Variants in STK32A observed in about 807,000 individuals in gnomAD.
STK32A encodes the protein serine/threonine kinase 32A, also known as serine/threonine-protein kinase 32A.
Under a neutral mutation model 53.2 loss-of-function variants are expected in STK32A, and 41 were observed. That is an observed-to-expected ratio of 0.77 (90% CI 0.60 to 1.00). The LOEUF is 1.00. Ranked by LOEUF, STK32A falls within the 50% of genes least tolerant of loss-of-function variation. STK32A has a pLI of 0.00. For synonymous variants in STK32A, 166 were observed against 162.8 expected, an observed-to-expected ratio of 1.02 and a Z score of -0.15; for missense variants, 458 against 485.8, an observed-to-expected ratio of 0.94 and a Z score of 0.54.
At chr5:147,255,551 T>G (rs183506084) in intron 2 of STK32A, among the ~76,000 whole-genome samples, 1 of 152,356 alleles carries the variant, frequency 6.6e-6, no homozygotes, top group South Asian at 2.1e-4. Flanking sequence ...GCTGGCTAAC[T>G]TATTGGATAG....
chr5:147,260,290 C>T (rs73332896), intron 2 of STK32A, among the ~76,000 whole-genome samples: 23,350 of 104,666 alleles, frequency 0.22, 4,045 homozygotes, highest in Admixed American at 0.33. Context: ...CTCTCTCTCT[C>T]GCCTGTCTCT....
chr5:147,375,279 C>T (rs1324867306), intron 11 of STK32A, 61 bp downstream of exon 11: 10 of 1,564,020 alleles, frequency 6.4e-6, no homozygotes, highest in South Asian at 2.4e-5. Flanking sequence ...GCAATATCTT[C>T]GAGAGCTTCT....
intron 4 of STK32A, among the ~76,000 whole-genome samples, chr5:147,280,923 C>T (rs1752036026): frequency 6.6e-6 from 1 of 152,192 alleles, no homozygotes; most frequent in East Asian, 1.9e-4. Context: ...CACTGGTATC[C>T]ACAGCTGAGA....
downstream of STK32A, among the ~76,000 whole-genome samples, chr5:147,389,727 G>A (rs1041390767): frequency 2.6e-5 from 4 of 152,034 alleles, no homozygotes; most frequent in East Asian, 1.9e-4. Context: ...AAAATTAGCC[G>A]GGTTGTGGTG....
At chr5:147,328,194 G>T (rs928185452) in intron 5 of STK32A, among the ~76,000 whole-genome samples, 1 of 152,166 alleles carries the variant, frequency 6.6e-6, no homozygotes, top group African/African-American at 2.4e-5. Context: ...GAGCTCAATG[G>T]ATGGAAGTCC....
At chr5:147,337,612 AC>A (rs1755200570) in intron 5 of STK32A, among the ~76,000 whole-genome samples, 1 of 152,078 alleles carries the variant, frequency 6.6e-6, no homozygotes. Flanking sequence ...TCGAGCACCT[AC>A]TTTATTCTTG....
At chr5:147,286,879 T>C (rs951346053) in intron 4 of STK32A, among the ~76,000 whole-genome samples, 2 of 152,190 alleles carry the variant, frequency 1.3e-5, no homozygotes, top group Middle Eastern at 3.2e-3. Context: ...TACTAGTTAT[T>C]AGATACTTTC....
chr5:147,266,751 G>C (rs563730311), intron 2 of STK32A, among the ~76,000 whole-genome samples: 1 of 152,114 alleles, frequency 6.6e-6, no homozygotes. Context: ...TTGGCTGGGC[G>C]TGATGGCTCA....
chr5:147,253,897 T>A (rs1754108343), intron 2 of STK32A, among the ~76,000 whole-genome samples: 1 of 152,194 alleles, frequency 6.6e-6, no homozygotes, highest in Admixed American at 6.5e-5. Flanking sequence ...AGAATTTCAA[T>A]GGCTGGCAGA....
chr5:147,337,775 A>G (rs1329475735), intron 5 of STK32A, among the ~76,000 whole-genome samples: 3 of 152,128 alleles, frequency 2.0e-5, no homozygotes, highest in African/African-American at 7.2e-5. Flanking sequence ...TATGGGCAGG[A>G]ATTGAGGATA....
At chr5:147,344,947 A>C (rs1036540558) in intron 6 of STK32A, among the ~76,000 whole-genome samples, 1 of 152,148 alleles carries the variant, frequency 6.6e-6, no homozygotes, top group Admixed American at 6.5e-5. Context: ...AAGGCATCCT[A>C]TTCTCCTTCA....
chr5:147,384,136 A>G lies in STK32A; in HGVS notation c.*153A>G, dbSNP rs1285672893. 6.8e-6 allele frequency: 10 copies of G among 1,478,152 alleles called. No individual in the cohort carries two copies. In the African/African-American group the frequency reaches 1.3e-4, roughly 19 times the overall value. The allele number at this position is 1,478,152 out of a possible 1,614,324, so 91.6% of individuals were successfully genotyped here. A position where few individuals can be genotyped will look rare whatever the true frequency, so the allele number is the denominator to read the frequency against. ...CAAAAAAGGCAGCACAACACAGTGA[A>G]GGGTCCTGGGCCTGAGCTCCTGGGA... On this transcript the variant is annotated 3_prime_UTR_variant, in exon 13 of 13. Coordinates refer to ENST00000397936, the MANE Select transcript of STK32A (RefSeq NM_001112724.2).
intron 7 of STK32A, among the ~76,000 whole-genome samples, chr5:147,354,869 T>C (rs1298845713): frequency 2.0e-5 from 3 of 152,236 alleles, no homozygotes; most frequent in Non-Finnish European, 4.4e-5. Context: ...TCAACTTAGT[T>C]AGGCTAACAT....
intron 4 of STK32A, among the ~76,000 whole-genome samples, chr5:147,319,677 AG>A (rs1459775119): frequency 6.6e-6 from 1 of 152,212 alleles, no homozygotes; most frequent in Admixed American, 6.5e-5. Context: ...CTTAATGAAT[AG>A]GACAGTGTAC....
At chr5:147,334,108 T>C (rs982299334) in intron 5 of STK32A, among the ~76,000 whole-genome samples, 4 of 152,266 alleles carry the variant, frequency 2.6e-5, no homozygotes, top group South Asian at 2.1e-4. Flanking sequence ...TACAAAACCA[T>C]AGGAAATTAG....
At chr5:147,250,244 C>T (rs777825616) in intron 2 of STK32A, among the ~76,000 whole-genome samples, 4 of 152,012 alleles carry the variant, frequency 2.6e-5, no homozygotes, top group African/African-American at 4.8e-5. Context: ...TATGGGACAG[C>T]TAAATGATGG....
chr5:147,257,849 T>C (rs894715084), intron 2 of STK32A, among the ~76,000 whole-genome samples: 2 of 152,212 alleles, frequency 1.3e-5, no homozygotes. Flanking sequence ...AAACCAAGTA[T>C]ATAATTTCTA....
intron 2 of STK32A, among the ~76,000 whole-genome samples, chr5:147,261,073 G>T (rs552425478): frequency 6.6e-6 from 1 of 152,142 alleles, no homozygotes; most frequent in South Asian, 2.1e-4. Context: ...GTTATTCCTC[G>T]CACTGGGTGG....
intron 8 of STK32A, among the ~76,000 whole-genome samples, chr5:147,367,963 T>G (rs114085738): frequency 0.027 from 4,170 of 152,312 alleles, 197 homozygotes; most frequent in East Asian, 0.2. Context: ...ACAGAGGAAG[T>G]GTGCTAAACA....
Sources: allele counts gnomAD v4.1 joint callset (sites outside exome capture counted in the v4.1 genomes callset), GRCh38; gene constraint gnomAD v4.1.1; transcripts MANE v1.5; gene names NCBI Gene and HGNC (gene_info 2026-07-23, HGNC 2026-07-21).